Variants in TMEM131L observed in about 807,000 individuals in gnomAD.
TMEM131L encodes transmembrane 131 like.
Under a neutral mutation model 192.2 loss-of-function variants are expected in TMEM131L, and 54 were observed. That is an observed-to-expected ratio of 0.28 (90% CI 0.23 to 0.35). The LOEUF (loss-of-function observed/expected upper bound fraction) is 0.35. TMEM131L is among the 10% of genes least tolerant of loss of function. TMEM131L has a pLI of 1.00. For synonymous variants in TMEM131L, 701 were observed against 704.9 expected (o/e 0.99, Z 0.09); for missense variants, 1,888 against 1,972.9 (o/e 0.96, Z 0.82).
intron 3 of TMEM131L, among the ~76,000 whole-genome samples, chr4:153,485,215 A>G (rs1051177793): frequency 1.3e-5 from 2 of 151,614 alleles, no homozygotes; most frequent in African/African-American, 4.9e-5. Context: ...AAAATCTTCT[A>G]GTACAATTTA....
At chr4:153,494,112 T>C (rs1045364753) in intron 3 of TMEM131L, among the ~76,000 whole-genome samples, 1 of 152,116 alleles carries the variant, frequency 6.6e-6, no homozygotes, top group Admixed American at 6.6e-5. Context: ...AGTTTTCTCA[T>C]CTGTAAAAGT....
At chr4:153,593,250 C>T (rs887627130) in intron 18 of TMEM131L, among the ~76,000 whole-genome samples, 4 of 152,092 alleles carry the variant, frequency 2.6e-5, no homozygotes, top group Non-Finnish European at 5.9e-5. Context: ...GACCCTTATC[C>T]CAGGGTTTCT....
intron 25 of TMEM131L, among the ~76,000 whole-genome samples, chr4:153,608,612 A>G (rs1032631745): frequency 4.6e-5 from 7 of 152,232 alleles, no homozygotes; most frequent in Admixed American, 1.3e-4. Context: ...GCTTAACAGT[A>G]CCTGAAAGTT....
intron 3 of TMEM131L, among the ~76,000 whole-genome samples, chr4:153,487,707 TGTGTGTGTGTGTGA>T (rs1473924861): frequency 7.0e-6 from 1 of 142,906 alleles, no homozygotes; most frequent in Non-Finnish European, 1.6e-5. Context: ...TGTGTGTGTG[TGTGTGTGTGTGTGA>T]GAGAGAGAGA....
At position 153,505,254 on chromosome 4, in the gene TMEM131L, G is replaced by A. The variant is rs192052892; in HGVS notation, c.239+31366G>A. Among the ~76,000 whole-genome samples the A allele has an allele frequency of 1.6e-4, 24 of 151,800 alleles. No homozygotes were observed. In the East Asian group the frequency reaches 3.9e-3, roughly 24 times the overall value. ...CTCGAGTAGCTGGGACTACAGGCACGCACCACCACACCCCGGTAATTTTTG... is the reference window on the plus strand; with the variant it reads ...CTCGAGTAGCTGGGACTACAGGCACACACCACCACACCCCGGTAATTTTTG... On this transcript the variant is annotated intron_variant, in intron 3 of 34. Transcript: ENST00000409959.
intron 7 of TMEM131L, among the ~76,000 whole-genome samples, chr4:153,562,128 C>T (rs1210166493): frequency 6.6e-6 from 1 of 151,636 alleles, no homozygotes; most frequent in East Asian, 1.9e-4. Context: ...ACCTCCGCCT[C>T]CTGGGTTCAA....
chr4:153,509,710 C>T (rs1359465710), intron 3 of TMEM131L, among the ~76,000 whole-genome samples: 2 of 152,190 alleles, frequency 1.3e-5, no homozygotes, highest in Non-Finnish European at 2.9e-5. Context: ...GAGCGAGACT[C>T]TGTCTCCAAA....
rs369534013 is a variant in TMEM131L, at chr4:153,632,751, C to G, written c.4241C>G (p.Pro1414Arg). ...TCACCTGGAGACCTGTGGCCCACTC[C>G]GCCAGTGTGTGTGACAAGCAGCTTA... is the stretch of plus-strand genomic sequence containing the variant. Reference protein sequence around the residue: ...LYSPGDLWPTPPVCVTSSLNC... With the variant: ...LYSPGDLWPTRPVCVTSSLNC... The change falls in exon 32 of 35, where the codon CCG (proline) becomes CGG (arginine). Residue 1414 changes from proline (P) to arginine (R), a missense_variant. By Grantham distance (103) the Pro-to-Arg change is moderately radical. Transcript: ENST00000409959. 1 of 1,614,072 alleles carries G rather than the reference C, an allele frequency of 6.2e-7. No individual in the cohort carries two copies. Among genetic ancestry groups the G allele is most frequent in the African/African-American group, 1.3e-5 (1 of 74,998 alleles).
At chr4:153,512,847 C>T (rs865779569) in intron 3 of TMEM131L, among the ~76,000 whole-genome samples, 1 of 152,094 alleles carries the variant, frequency 6.6e-6, no homozygotes, top group Non-Finnish European at 1.5e-5. Flanking sequence ...CTCTTGACCT[C>T]GTGATCCGCC....
chr4:153,550,616 A>T lies in TMEM131L; in HGVS notation c.308+475A>T, dbSNP rs538770734. Among the ~76,000 whole-genome samples, 4 of 151,968 alleles carry T rather than the reference A, an allele frequency of 2.6e-5. No individual in the cohort carries two copies. The East Asian group carries it at 7.7e-4, about 29-fold the overall frequency. Reference sequence around the variant, plus strand: ...GCTGGGATTACAGGCGCGAGCCACCACTCCTGGCCTTCTTTAATTTTTAAT... The same window carrying T: ...GCTGGGATTACAGGCGCGAGCCACCTCTCCTGGCCTTCTTTAATTTTTAAT... On this transcript the variant is annotated intron_variant, in intron 4 of 34. Coordinates refer to ENST00000409959, the MANE Select transcript of TMEM131L (RefSeq NM_001131007.2).
At chr4:153,512,337 A>T (rs1446377840) in intron 3 of TMEM131L, among the ~76,000 whole-genome samples, 1 of 152,212 alleles carries the variant, frequency 6.6e-6, no homozygotes, top group African/African-American at 2.4e-5. Flanking sequence ...GGGGTTATGC[A>T]AACAAAGATG....
chr4:153,528,151 GT>G (rs1735633166), intron 3 of TMEM131L, among the ~76,000 whole-genome samples: 3 of 152,164 alleles, frequency 2.0e-5, no homozygotes, highest in African/African-American at 4.8e-5. Context: ...TTACTTCCAG[GT>G]TTTGGCATAA....
chr4:153,581,892 A>G (rs1001946839), intron 9 of TMEM131L, among the ~76,000 whole-genome samples: 15 of 152,344 alleles, frequency 9.8e-5, no homozygotes, highest in African/African-American at 3.1e-4. Context: ...TCCACTTTTA[A>G]TGATTTGCCT....
At position 153,603,337 on chromosome 4, in the gene TMEM131L, C is replaced by T. The variant is rs1731979515; in HGVS notation, c.2674C>T (p.Gln892Ter). ...GTTGGGTGTGATTTTAATAGCCTTC[C>T]AACAAGCACAGTACATTCTCATGGA... ...SLLGVILIAF[Q>*]QAQYILMEFM... is the part of the protein sequence containing the mutation. Residue 892 changes from glutamine to a stop codon, truncating the protein, a stop_gained, in exon 24 of 35, where the codon CAA (glutamine) becomes TAA (stop). Transcript: ENST00000409959. LOFTEE classifies it high-confidence loss of function. 1 of 1,613,592 alleles carries T rather than the reference C, an allele frequency of 6.2e-7. No homozygotes were observed. The highest frequency in any genetic ancestry group is 1.3e-5 in the African/African-American group (1 of 74,884).
chr4:153,619,909 C>T (rs1382799050), intron 26 of TMEM131L, among the ~76,000 whole-genome samples: 1 of 152,138 alleles, frequency 6.6e-6, no homozygotes, highest in Non-Finnish European at 1.5e-5. Context: ...ATTTATCTTC[C>T]TCCTGAAAGG....
At chr4:153,532,446 T>A (rs6839651) in intron 3 of TMEM131L, among the ~76,000 whole-genome samples, 34,991 of 144,992 alleles carry the variant, frequency 0.24, 4,613 homozygotes, top group Admixed American at 0.4. Context: ...GCTTTTTTTT[T>A]AAAAAAAAAA....
chr4:153,612,253 GAAT>G lies in TMEM131L; in HGVS notation c.3423_3425del (p.Asn1142del). The G allele has an allele frequency of 3.9e-6, 6 of 1,543,384 alleles. No individual in the cohort carries two copies. The highest frequency in any genetic ancestry group is 5.2e-6 in the Non-Finnish European group (6 of 1,151,152). ...TTGAATTGTTTTTGTTTATTAAAGG[GAAT>G]AACCAGCAAGTACCTGTCAAGAATG... On this transcript the variant is annotated inframe_deletion and splice_region_variant, in exon 26 of 35. Coordinates refer to ENST00000409959, the MANE Select transcript of TMEM131L (RefSeq NM_001131007.2).
chr4:153,564,287 CAAAAAAAAAAAAAA>C (rs1178320668), intron 7 of TMEM131L, among the ~76,000 whole-genome samples: 975 of 17,670 alleles, frequency 0.055, 26 homozygotes, highest in African/African-American at 0.12. Flanking sequence ...AACTCCGTCT[CAAAAAAAAAAAAAA>C]AAAAAAAAAA....
At chr4:153,524,903 A>G (rs1735365591) in intron 3 of TMEM131L, among the ~76,000 whole-genome samples, 1 of 152,164 alleles carries the variant, frequency 6.6e-6, no homozygotes, top group Non-Finnish European at 1.5e-5. Context: ...TAACCCTTCA[A>G]TTACAGTGTA....
Sources: gnomAD v4.1 joint callset for allele counts (sites outside exome capture counted in the v4.1 genomes callset) on GRCh38, gnomAD v4.1.1 for gene constraint, MANE v1.5 for transcripts, NCBI Gene and HGNC (gene_info 2026-07-23, HGNC 2026-07-21) for gene names.